DYNLRB2: variants seen among roughly 807,000 people sequenced by gnomAD.
DYNLRB2 encodes the protein dynein light chain roadblock-type 2, also known as bithoraxoid-like protein.
Under a neutral mutation model 12.6 loss-of-function variants are expected in DYNLRB2, and 14 were observed. The observed-to-expected ratio is 1.11, with a 90% CI of 0.73 to 1.73. The LOEUF (loss-of-function observed/expected upper bound fraction) is 1.73, where lower values mean the gene tolerates loss of function less well. Ranked by LOEUF, DYNLRB2 falls within the 40% of genes most tolerant of loss-of-function variation. DYNLRB2 has a pLI of 0.00. For synonymous variants in DYNLRB2, 53 were observed against 37.0 expected (o/e 1.43, Z -1.57); for missense variants, 142 against 117.7 (o/e 1.21, Z -0.95).
chr16:80,549,319 C>T lies in DYNLRB2; in HGVS notation c.80-165C>T, dbSNP rs775351783. ...CAACTATACTTAAAAATCTACGTAGCGACAAAAGGATTTGAGGGAAATAAA... is the reference window on the plus strand; with the variant it reads ...CAACTATACTTAAAAATCTACGTAGTGACAAAAGGATTTGAGGGAAATAAA... On this transcript the variant is annotated intron_variant, in intron 2 of 3. Coordinates refer to ENST00000305904, the MANE Select transcript of DYNLRB2 (RefSeq NM_130897.3). The T allele has an allele frequency of 2.9e-5, 18 of 631,104 alleles. 1 individual carries two copies. The highest frequency in any genetic ancestry group is 5.7e-5 in the East Asian group (2 of 34,826). 39.1% of individuals were successfully genotyped at this position (631,104 alleles called of 1,614,324 possible). A position where few individuals can be genotyped will look rare whatever the true frequency, so the allele number is the denominator to read the frequency against.
intron 2 of DYNLRB2, chr16:80,548,271 A>T (rs1904605692): frequency 6.1e-6 from 1 of 163,274 alleles, no homozygotes; most frequent in Non-Finnish European, 1.3e-5. Flanking sequence ...ATTAGATACG[A>T]TATATATAAA....
intron 3 of DYNLRB2, 23 bp from the exon 4 acceptor site, chr16:80,550,492 T>C: frequency 6.2e-7 from 1 of 1,613,710 alleles, no homozygotes; most frequent in Non-Finnish European, 8.5e-7. Flanking sequence ...AAGGGTGAAT[T>C]GATTTTATCC....
chr16:80,541,235 A>AGACCTTGGAAAGGGGCAAGAAGAT, intron 1 of DYNLRB2, 156 bp downstream of exon 1: 2 of 963,500 alleles, frequency 2.1e-6, no homozygotes, highest in Non-Finnish European at 2.5e-6. Context: ...GGCGAGAGGG[A>AGACCTTGGAAAGGGGCAAGAAGAT]GACCTTGGAA....
intron 2 of DYNLRB2, among the ~76,000 whole-genome samples, chr16:80,544,237 T>C (rs1904324088): frequency 6.6e-6 from 1 of 152,226 alleles, no homozygotes; most frequent in Non-Finnish European, 1.5e-5. Context: ...CCTATTTTAC[T>C]GGGGGTTTTC....
At position 80,541,291 on chromosome 16, in the gene DYNLRB2, G is replaced by A. The variant is rs999317498; in HGVS notation, c.3+212G>A. On this transcript the variant is annotated intron_variant, in intron 1 of 3. Coordinates refer to ENST00000305904, the MANE Select transcript of DYNLRB2 (RefSeq NM_130897.3). ...ATGACTGGAAGCTGTTTTGGGAATT[G>A]ATTTCGCGGGGATGGTACATAAGGA... 5.2e-6 allele frequency: 5 copies of A among 968,794 alleles called. No homozygotes were observed. The East Asian group carries it at 4.6e-4, about 89-fold the overall frequency. 60.0% of individuals were successfully genotyped at this position (968,794 alleles called of 1,614,324 possible). A position where few individuals can be genotyped will look rare whatever the true frequency, so the allele number is the denominator to read the frequency against.
At chr16:80,541,356 T>C in intron 1 of DYNLRB2, 1 of 983,474 alleles carries the variant, frequency 1.0e-6, no homozygotes, top group South Asian at 4.7e-5. Context: ...ATTCAGAGGA[T>C]GAAGAATGCT....
chr16:80,540,763 G>T (rs1455262271), upstream of DYNLRB2: 2 of 702,842 alleles, frequency 2.8e-6, no homozygotes, highest in Admixed American at 2.0e-5. Context: ...GTGCCTCAAT[G>T]AATGAATGAA....
rs753600284 is a variant in DYNLRB2, at chr16:80,550,606, T to A, written c.*48T>A. ...TAAGCGACACTGGGTTGGAAACACT[T>A]GGCTCTCTCATGAGTATTAAAATTC... On this transcript the variant is annotated 3_prime_UTR_variant, in exon 4 of 4. Transcript: ENST00000305904. 16 of 1,599,690 alleles carry A rather than the reference T, an allele frequency of 1.0e-5. No homozygotes were observed. The highest frequency in any genetic ancestry group is 1.4e-5 in the Non-Finnish European group (16 of 1,167,052).
At position 80,550,729 on chromosome 16, in the gene DYNLRB2, T is replaced by C. The variant is rs1467552196; in HGVS notation, c.*171T>C. 1 of 707,066 alleles carries C rather than the reference T, an allele frequency of 1.4e-6. No individual in the cohort carries two copies. The allele number at this position is 707,066 out of a possible 1,614,324, so 43.8% of individuals were successfully genotyped here. A position where few individuals can be genotyped will look rare whatever the true frequency, so the allele number is the denominator to read the frequency against. On this transcript the variant is annotated 3_prime_UTR_variant, in exon 4 of 4. Transcript: ENST00000305904. ...AGTCCCTTTTGATTATATTGTGAAG[T>C]TGTACTTTAGTGATACAATAAGTGA...
intron 1 of DYNLRB2, chr16:80,541,515 C>A: frequency 2.1e-6 from 1 of 475,090 alleles, no homozygotes; most frequent in Non-Finnish European, 2.8e-6. Context: ...AGGGAAGATA[C>A]TGAGAAAGAA....
At position 80,543,370 on chromosome 16, in the gene DYNLRB2, GTCT is replaced by G; in HGVS notation, c.79+24_79+26del. 1 of 1,613,212 alleles carries G rather than the reference GTCT, an allele frequency of 6.2e-7. No homozygotes were observed. On this transcript the variant is annotated intron_variant, in intron 2 of 3. Transcript: ENST00000305904. ...GCAGAAGGTAAATATATCACAGGCT[GTCT>G]TCTTGACACACAGAAGCCAACCAGG...
chr16:80,548,150 T>C lies in DYNLRB2; in HGVS notation c.80-1334T>C, dbSNP rs1479001857. 3.7e-5 allele frequency: 6 copies of C among 161,780 alleles called. No homozygotes were observed. In the Admixed American group the frequency reaches 3.7e-4, roughly 10 times the overall value. 10.0% of individuals were successfully genotyped at this position (161,780 alleles called of 1,614,324 possible). ...CCTTAATACGGATACCTAAGGAATT[T>C]GATAGCAATTCCAAATTCACCTTCA... On this transcript the variant is annotated intron_variant, in intron 2 of 3. Transcript: ENST00000305904.
intron 2 of DYNLRB2, among the ~76,000 whole-genome samples, chr16:80,547,304 C>T (rs77124408): frequency 7.0e-4 from 107 of 152,276 alleles, no homozygotes; most frequent in African/African-American, 2.6e-3. Context: ...TAGAATGTCT[C>T]TAGAAGGCTT....
At chr16:80,540,943 C>T (rs574675369), upstream of DYNLRB2, 12 of 1,515,972 alleles carry the variant, frequency 7.9e-6, no homozygotes, top group Non-Finnish European at 1.1e-5. Flanking sequence ...AGCCGACTCG[C>T]GAGCGCGCAG....
upstream of DYNLRB2, chr16:80,540,924 G>A (rs1223139025): frequency 2.1e-6 from 3 of 1,415,884 alleles, no homozygotes; most frequent in African/African-American, 2.8e-5. Flanking sequence ...AGCGCGGTCA[G>A]GGCGAAAAAG....
chr16:80,546,455 A>T (rs1299635558), intron 2 of DYNLRB2, among the ~76,000 whole-genome samples: 2 of 152,334 alleles, frequency 1.3e-5, no homozygotes, highest in East Asian at 3.9e-4. Context: ...TCATTTAGAT[A>T]TCATCATATG....
intron 2 of DYNLRB2, chr16:80,544,946 A>C (rs971506700): frequency 2.6e-5 from 4 of 152,174 alleles, no homozygotes; most frequent in African/African-American, 7.2e-5. Flanking sequence ...CCCGAATCCA[A>C]TGTGACCTCA....
At chr16:80,542,702 C>T (rs1904298672) in intron 1 of DYNLRB2, among the ~76,000 whole-genome samples, 1 of 152,154 alleles carries the variant, frequency 6.6e-6, no homozygotes, top group Non-Finnish European at 1.5e-5. Flanking sequence ...TCAGCTTGCA[C>T]TGAGACGCAA....
At chr16:80,548,355 C>A (rs1210784552) in intron 2 of DYNLRB2, among the ~76,000 whole-genome samples, 1 of 152,168 alleles carries the variant, frequency 6.6e-6, no homozygotes, top group African/African-American at 2.4e-5. Flanking sequence ...TTGATTTCAA[C>A]TGAATTGAAT....
Sources: gnomAD v4.1 joint callset for allele counts (sites outside exome capture counted in the v4.1 genomes callset) on GRCh38, gnomAD v4.1.1 for gene constraint, MANE v1.5 for transcripts, NCBI Gene and HGNC (gene_info 2026-07-23, HGNC 2026-07-21) for gene names.